The following FER1L6 variants were observed in gnomAD, a reference collection of about 807,000 sequenced individuals.
FER1L6 encodes the protein fer-1 like family member 6, also known as fer-1-like protein 6.
A neutral mutation model predicts 219.2 loss-of-function variants in FER1L6; 177 were observed. The observed-to-expected ratio is 0.81, with a 90% CI of 0.71 to 0.91. The LOEUF is 0.91. FER1L6 is among the 40% of genes least tolerant of loss of function. The pLI is 0.00. For synonymous variants in FER1L6, 768 were observed against 824.3 expected (o/e 0.93, Z 1.17); for missense variants, 2,153 against 2,259.9 (o/e 0.95, Z 0.96).
intron 22 of FER1L6, among the ~76,000 whole-genome samples, chr8:124,051,173 T>A (rs1004613196): frequency 6.6e-6 from 1 of 152,112 alleles, no homozygotes; most frequent in Non-Finnish European, 1.5e-5. Flanking sequence ...CGCATGAAGA[T>A]ACCAGTCATG....
chr8:123,987,707 A>G (rs1158482583), intron 12 of FER1L6, among the ~76,000 whole-genome samples: 8 of 152,150 alleles, frequency 5.3e-5, no homozygotes. Context: ...TATATGGTGG[A>G]ACATAGGGGT....
chr8:123,871,157 A>T (rs536006998), intron 1 of FER1L6, among the ~76,000 whole-genome samples: 15 of 152,354 alleles, frequency 9.8e-5, no homozygotes, highest in African/African-American at 3.6e-4. Context: ...TGACATCAGT[A>T]TGAACTCGTG....
chr8:123,974,659 C>CAAAAAAAAAAAAAAAAAAA (rs994690186), intron 7 of FER1L6, among the ~76,000 whole-genome samples: 71 of 47,764 alleles, frequency 1.5e-3, no homozygotes, highest in East Asian at 2.2e-3. Flanking sequence ...GACTCTGTCT[C>CAAAAAAAAAAAAAAAAAAA]AAAAAAAAAA....
intron 8 of FER1L6, 91 bp downstream of exon 8, chr8:123,975,397 T>A (rs1816026102): frequency 8.1e-7 from 1 of 1,240,640 alleles, no homozygotes; most frequent in Non-Finnish European, 1.1e-6. Flanking sequence ...TATGGGTACA[T>A]GAGAACCATG....
chr8:123,984,196 C>T (rs1816451779), intron 11 of FER1L6: 1 of 152,110 alleles, frequency 6.6e-6, no homozygotes, highest in South Asian at 2.1e-4. Flanking sequence ...CATTTCTGCC[C>T]CTTCTCCTCC....
intron 22 of FER1L6, among the ~76,000 whole-genome samples, chr8:124,054,777 G>A (rs939028809): frequency 6.6e-6 from 1 of 152,184 alleles, no homozygotes; most frequent in African/African-American, 2.4e-5. Context: ...GCGGGAAGGC[G>A]ATGAGGCCAG....
At chr8:124,045,666 A>G in intron 20 of FER1L6, 101 bp from the exon 21 acceptor site, 1 of 1,248,892 alleles carries the variant, frequency 8.0e-7, no homozygotes, top group Non-Finnish European at 1.1e-6. Context: ...CACAATGATG[A>G]TGTGTTCTCT....
chr8:124,051,035 A>G (rs900879519), intron 22 of FER1L6, among the ~76,000 whole-genome samples: 1 of 152,230 alleles, frequency 6.6e-6, no homozygotes, highest in African/African-American at 2.4e-5. Flanking sequence ...AAGCATTCCT[A>G]ACACAAACAG....
chr8:123,904,418 C>T (rs537034364), intron 1 of FER1L6, among the ~76,000 whole-genome samples: 4 of 152,138 alleles, frequency 2.6e-5, no homozygotes, highest in African/African-American at 7.2e-5. Context: ...TCCTAAATTC[C>T]CTTCTGATGT....
chr8:124,119,572 G>C lies in FER1L6; in HGVS notation c.5391-35G>C, dbSNP rs575941877. On this transcript the variant is annotated intron_variant, in intron 40 of 40. Transcript: ENST00000522917. Reference sequence around the variant, plus strand: ...TAAGCATTCTGAGTGTTGACAGGATGCCCCCTTTTTGATTTTCTCTTCCTT... The same window carrying C: ...TAAGCATTCTGAGTGTTGACAGGATCCCCCCTTTTTGATTTTCTCTTCCTT... 6.5e-5 allele frequency: 89 copies of C among 1,374,010 alleles called. No individual in the cohort carries two copies. The African/African-American group carries it at 1.2e-3, about 18-fold the overall frequency. The allele number at this position is 1,374,010 out of a possible 1,614,324, so 85.1% of individuals were successfully genotyped here. A position where few individuals can be genotyped will look rare whatever the true frequency, so the allele number is the denominator to read the frequency against.
chr8:124,091,742 G>A (rs553996658), intron 34 of FER1L6, among the ~76,000 whole-genome samples, 159 bp downstream of exon 34: 79 of 152,146 alleles, frequency 5.2e-4, no homozygotes, highest in African/African-American at 1.8e-3. Context: ...TGAGGCGGGC[G>A]GATCACTTGA....
At chr8:124,050,251 T>C (rs987018376) in intron 22 of FER1L6, among the ~76,000 whole-genome samples, 1 of 152,218 alleles carries the variant, frequency 6.6e-6, no homozygotes, top group African/African-American at 2.4e-5. Context: ...CTGGGTGAAC[T>C]GAGTTGACCT....
At chr8:123,874,553 A>T (rs1196237198) in intron 1 of FER1L6, among the ~76,000 whole-genome samples, 1 of 152,174 alleles carries the variant, frequency 6.6e-6, no homozygotes, top group Non-Finnish European at 1.5e-5. Context: ...ACATGCTTCA[A>T]CTCCGCTACC....
At chr8:123,948,877 G>T (rs1455456232) in intron 1 of FER1L6, among the ~76,000 whole-genome samples, 1 of 151,688 alleles carries the variant, frequency 6.6e-6, no homozygotes, top group African/African-American at 2.4e-5. Context: ...TGTAAATATT[G>T]TTTGTCAGAT....
At position 123,971,082 on chromosome 8, in the gene FER1L6, T is replaced by G. The variant is rs544599022; in HGVS notation, c.447+985T>G. Among the ~76,000 whole-genome samples the G allele has an allele frequency of 2.6e-5, 4 of 152,322 alleles. No individual in the cohort carries two copies. In the South Asian group the frequency reaches 8.3e-4, roughly 32 times the overall value. On this transcript the variant is annotated intron_variant, in intron 6 of 40. Coordinates refer to ENST00000522917, the MANE Select transcript of FER1L6 (RefSeq NM_001039112.2). ...TGATTTCTTCAACAGTCAGCTGTAA[T>G]CAGAATTGTGAGGATGACAAAACTT...
intron 22 of FER1L6, among the ~76,000 whole-genome samples, chr8:124,052,788 A>AAAAC (rs1449146648): frequency 6.6e-6 from 1 of 152,154 alleles, no homozygotes; most frequent in Non-Finnish European, 1.5e-5. Context: ...CTGTCTCAAA[A>AAAAC]AAACAAACAA....
intron 1 of FER1L6, among the ~76,000 whole-genome samples, chr8:123,882,736 C>A (rs144841294): frequency 6.6e-6 from 1 of 152,146 alleles, no homozygotes; most frequent in African/African-American, 2.4e-5. Flanking sequence ...TCTAAAAGAA[C>A]GTTATGAATA....
At chr8:124,069,769 C>T (rs545144244) in intron 29 of FER1L6, among the ~76,000 whole-genome samples, 12 of 152,336 alleles carry the variant, frequency 7.9e-5, no homozygotes, top group African/African-American at 2.9e-4. Flanking sequence ...AGGTGCTTGT[C>T]ATCATCATGC....
chr8:124,112,597 C>T (rs559095261), intron 39 of FER1L6, among the ~76,000 whole-genome samples: 3 of 152,192 alleles, frequency 2.0e-5, no homozygotes, highest in Non-Finnish European at 4.4e-5. Context: ...CACAAATGGA[C>T]AGGCAGCCAA....
Sources: gnomAD v4.1 joint callset for allele counts (sites outside exome capture counted in the v4.1 genomes callset) on GRCh38, gnomAD v4.1.1 for gene constraint, MANE v1.5 for transcripts, NCBI Gene and HGNC (gene_info 2026-07-23, HGNC 2026-07-21) for gene names.